The following NALF1 variants were observed in gnomAD, a reference collection of about 807,000 sequenced individuals.
The protein encoded by NALF1 is family with sequence similarity 155 member A.
In NALF1, 3 loss-of-function variants were observed where a neutral mutation model predicts 48.4. That is an observed-to-expected ratio of 0.06 (90% CI 0.03 to 0.16). The LOEUF (loss-of-function observed/expected upper bound fraction) is 0.16. NALF1 is among the 10% of genes least tolerant of loss of function. The probability of loss-of-function intolerance (pLI) is 1.00; values close to 1 mark genes in which losing one functional copy is unlikely to be tolerated. For missense variants in NALF1, 526 were observed against 571.5 expected, an observed-to-expected ratio of 0.92 and a Z score of 0.81; for synonymous variants, 262 against 245.7, an observed-to-expected ratio of 1.07 and a Z score of -0.62.
At position 107,522,034 on chromosome 13, in the gene NALF1, G is replaced by A. The variant is rs207474408; in HGVS notation, c.916-311279C>T. ...ACTAGGTCCCTATCTTAAGGGATAC[G>A]ATTTTCCAGGTTGCATGTAAAAAAG... On this transcript the variant is annotated intron_variant, in intron 1 of 2. Transcript: ENST00000375915. Among the ~76,000 whole-genome samples the A allele has an allele frequency of 9.9e-5, 15 of 151,946 alleles. 1 individual carries two copies. Among genetic ancestry groups the A allele is most frequent in the Admixed American group, 5.9e-4 (9 of 15,260 alleles).
intron 1 of NALF1, among the ~76,000 whole-genome samples, chr13:107,780,323 A>G (rs891359223): frequency 6.6e-6 from 1 of 151,788 alleles, no homozygotes; most frequent in Non-Finnish European, 1.5e-5. Context: ...ACTTTTTCAC[A>G]GTTTTTGCTT....
At chr13:107,605,552 T>C (rs1012690751) in intron 1 of NALF1, among the ~76,000 whole-genome samples, 3 of 152,182 alleles carry the variant, frequency 2.0e-5, no homozygotes, top group African/African-American at 7.2e-5. Context: ...GGGTATCACT[T>C]ATGGGTTTCA....
Position 107,201,285 on chromosome 13 carries a change from C to T in NALF1, c.1087+9299G>A, listed in dbSNP as rs982725325. Among the ~76,000 whole-genome samples, 5 of 152,176 alleles carry T rather than the reference C, an allele frequency of 3.3e-5. No individual in the cohort carries two copies. In the East Asian group the frequency reaches 7.7e-4, roughly 23 times the overall value. Reference sequence around the variant, plus strand: ...TGGAAGAGATCAGAAGGAAGTTTCTCTAGCTCTTCACAGTTCACAATGAAA... The same window carrying T: ...TGGAAGAGATCAGAAGGAAGTTTCTTTAGCTCTTCACAGTTCACAATGAAA... On this transcript the variant is annotated intron_variant, in intron 2 of 2. Coordinates refer to ENST00000375915, the MANE Select transcript of NALF1 (RefSeq NM_001080396.3).
chr13:107,531,759 C>T (rs1221237447), intron 1 of NALF1, among the ~76,000 whole-genome samples: 2 of 151,760 alleles, frequency 1.3e-5, no homozygotes, highest in Non-Finnish European at 2.9e-5. Context: ...GACTGGAATA[C>T]GTGTTGCAAG....
intron 1 of NALF1, among the ~76,000 whole-genome samples, chr13:107,539,494 A>C (rs1876937067): frequency 6.7e-6 from 1 of 149,892 alleles, no homozygotes; most frequent in Non-Finnish European, 1.5e-5. Context: ...TTTGGGGAAC[A>C]CATTCAAACA....
At chr13:107,670,013 A>T (rs1349145544) in intron 1 of NALF1, among the ~76,000 whole-genome samples, 21 of 152,154 alleles carry the variant, frequency 1.4e-4, no homozygotes, top group Non-Finnish European at 2.9e-5. Context: ...AATGCCAAAT[A>T]GTCACTCTTA....
intron 1 of NALF1, among the ~76,000 whole-genome samples, chr13:107,568,773 G>C (rs1025383071): frequency 2.0e-5 from 3 of 152,110 alleles, no homozygotes; most frequent in Non-Finnish European, 2.9e-5. Context: ...CATGTTTTTT[G>C]AGTATTTTTA....
intron 1 of NALF1, among the ~76,000 whole-genome samples, chr13:107,410,994 C>T (rs1883980224): frequency 2.6e-5 from 4 of 152,052 alleles, no homozygotes; most frequent in South Asian, 4.1e-4. Context: ...AATTCAGAGT[C>T]GACAAACTAG....
chr13:107,373,712 C>G (rs576491175), intron 1 of NALF1, among the ~76,000 whole-genome samples: 2 of 152,196 alleles, frequency 1.3e-5, no homozygotes, highest in African/African-American at 2.4e-5. Flanking sequence ...ACTATCATCT[C>G]TTTCTTTTTC....
At position 107,729,884 on chromosome 13, in the gene NALF1, T is replaced by G. The variant is rs16970999; in HGVS notation, c.915+135798A>C. Among the ~76,000 whole-genome samples, 4,057 of 152,322 alleles carry G rather than the reference T, an allele frequency of 0.027. 306 individuals are homozygous for G. In the East Asian group the frequency reaches 0.3, roughly 11 times the overall value. Reference sequence around the variant, plus strand: ...AGTTAGTTATTTATTAGATGGACCTTGATAGATATATGCCTAGAAGAAATG... The same window carrying G: ...AGTTAGTTATTTATTAGATGGACCTGGATAGATATATGCCTAGAAGAAATG... On this transcript the variant is annotated intron_variant, in intron 1 of 2. Transcript: ENST00000375915.
chr13:107,644,886 T>C (rs749600128), intron 1 of NALF1, among the ~76,000 whole-genome samples: 7 of 151,870 alleles, frequency 4.6e-5, no homozygotes, highest in Non-Finnish European at 1.0e-4. Context: ...CTGCCGTAGA[T>C]GTGTTTTGGC....
rs530124748 is a variant in NALF1 at position 107,449,908 on chromosome 13, G to C, written c.916-239153C>G. Among the ~76,000 whole-genome samples the C allele has an allele frequency of 4.6e-5, 7 of 152,294 alleles. No individual in the cohort carries two copies. The South Asian group carries it at 1.4e-3, about 32-fold the overall frequency. Reference sequence around the variant, plus strand: ...ATGCCTAGAATTCCACAGCTAGTAAGTAGGCAGAGGAGGCTGTCTCCATGA... The same window carrying C: ...ATGCCTAGAATTCCACAGCTAGTAACTAGGCAGAGGAGGCTGTCTCCATGA... On this transcript the variant is annotated intron_variant, in intron 1 of 2. Coordinates refer to ENST00000375915, the MANE Select transcript of NALF1 (RefSeq NM_001080396.3).
intron 2 of NALF1, among the ~76,000 whole-genome samples, chr13:107,187,588 A>G (rs1439057289): frequency 2.6e-5 from 4 of 152,308 alleles, no homozygotes; most frequent in African/African-American, 9.6e-5. Context: ...GTTTGTTGAA[A>G]GAAGAACCCT....
intron 1 of NALF1, among the ~76,000 whole-genome samples, chr13:107,281,768 C>G (rs1881392412): frequency 6.6e-6 from 1 of 152,114 alleles, no homozygotes; most frequent in African/African-American, 2.4e-5. Flanking sequence ...AACTTACAAT[C>G]ATGGTGGAAG....
At position 107,483,968 on chromosome 13, in the gene NALF1, A is replaced by G. The variant is rs2491584; in HGVS notation, c.916-273213T>C. On this transcript the variant is annotated intron_variant, in intron 1 of 2. Transcript: ENST00000375915. ...ATTCTAAGGAATAGTTACTATTGGT[A>G]TTATTATCATAATTTTCACGATTTT... is the stretch of plus-strand genomic sequence containing the variant. 7.0e-3 allele frequency among the ~76,000 whole-genome samples: 1,064 copies of G among 152,216 alleles called. 18 individuals carry two copies. The highest frequency in any genetic ancestry group is 0.024 in the African/African-American group (1,001 of 41,568).
At chr13:107,816,061 G>A (rs1879154323) in intron 1 of NALF1, among the ~76,000 whole-genome samples, 1 of 152,158 alleles carries the variant, frequency 6.6e-6, no homozygotes. Flanking sequence ...CGTTTATGGT[G>A]ATGGTTGCCT....
chr13:107,590,545 T>C (rs1028458241), intron 1 of NALF1, among the ~76,000 whole-genome samples: 6 of 151,968 alleles, frequency 3.9e-5, no homozygotes, highest in Non-Finnish European at 8.8e-5. Flanking sequence ...TATAATAATG[T>C]TTTGTATATT....
intron 1 of NALF1, among the ~76,000 whole-genome samples, chr13:107,771,035 G>A (rs1048725251): frequency 1.4e-4 from 21 of 151,614 alleles, no homozygotes; most frequent in African/African-American, 4.9e-4. Flanking sequence ...TCCTCAAAGG[G>A]GCATAAAACA....
intron 1 of NALF1, among the ~76,000 whole-genome samples, chr13:107,782,710 G>A (rs1185365746): frequency 5.4e-5 from 8 of 148,576 alleles, no homozygotes; most frequent in African/African-American, 1.3e-4. Flanking sequence ...CCGCCGCCCC[G>A]TCTGGGATGT....
Sources: allele counts gnomAD v4.1 joint callset (sites outside exome capture counted in the v4.1 genomes callset), GRCh38; gene constraint gnomAD v4.1.1; transcripts MANE v1.5; gene names NCBI Gene and HGNC (gene_info 2026-07-23, HGNC 2026-07-21).